Variants in DDX47 observed in about 807,000 individuals in gnomAD.
The protein encoded by DDX47 is DEAD-box helicase 47.
Under a neutral mutation model 58.8 loss-of-function variants are expected in DDX47, and 60 were observed. That is an observed-to-expected ratio of 1.02 (90% CI 0.83 to 1.26). The LOEUF is 1.26. Ranked by LOEUF, DDX47 falls within the 50% of genes most tolerant of loss-of-function variation. The probability of loss-of-function intolerance (pLI) is 0.00; values close to 1 mark genes in which losing one functional copy is unlikely to be tolerated. For missense variants in DDX47, 530 were observed against 573.2 expected, an observed-to-expected ratio of 0.92 and a Z score of 0.77; for synonymous variants, 197 against 204.6, an observed-to-expected ratio of 0.96 and a Z score of 0.32.
At chr12:12,820,907 G>T in intron 2 of DDX47, 2 of 378,922 alleles carry the variant, frequency 5.3e-6, no homozygotes, top group Non-Finnish European at 9.7e-6. Flanking sequence ...ACCTCTGTTA[G>T]CCTTTTCTGA....
chr12:12,826,197 A>G (rs995945686), intron 10 of DDX47, 127 bp downstream of exon 10: 1 of 685,712 alleles, frequency 1.5e-6, no homozygotes, highest in African/African-American at 1.8e-5. Context: ...AGGATGAAGG[A>G]GTTGAAAGAT....
chr12:12,814,198 T>A lies in DDX47; in HGVS notation c.155T>A (p.Ile52Asn). 2 of 1,612,514 alleles carry A rather than the reference T, an allele frequency of 1.2e-6. No individual in the cohort carries two copies. Among genetic ancestry groups the A allele is most frequent in the East Asian group, 2.2e-5 (1 of 44,860 alleles). ...TGGACAAAACCCACCAAGATCCAGATTGAAGCTATTCCTTTGGCCTTACAA... is the reference window on the plus strand; with the variant it reads ...TGGACAAAACCCACCAAGATCCAGAATGAAGCTATTCCTTTGGCCTTACAA... ...LGWTKPTKIQ[I>N]EAIPLALQGR... The change falls in exon 2 of 12, where the codon ATT (isoleucine) becomes AAT (asparagine). Residue 52 changes from isoleucine to asparagine, a missense_variant. Physicochemically the swap from Ile to Asn is moderately radical, Grantham distance 149. Transcript: ENST00000358007.
chr12:12,815,443 A>G (rs1024681945), intron 2 of DDX47, among the ~76,000 whole-genome samples: 3 of 152,204 alleles, frequency 2.0e-5, no homozygotes, highest in African/African-American at 7.2e-5. Flanking sequence ...TAAAGAGATA[A>G]TTATAAATTT....
intron 2 of DDX47, among the ~76,000 whole-genome samples, chr12:12,819,048 A>G (rs1862935138): frequency 6.6e-6 from 1 of 152,174 alleles, no homozygotes; most frequent in African/African-American, 2.4e-5. Flanking sequence ...TAACTGATTA[A>G]TGTTTAAGAG....
At chr12:12,816,115 G>A (rs1862890189) in intron 2 of DDX47, among the ~76,000 whole-genome samples, 1 of 152,034 alleles carries the variant, frequency 6.6e-6, no homozygotes, top group Non-Finnish European at 1.5e-5. Flanking sequence ...GTGTACCACT[G>A]ATACAAAAAA....
Position 12,826,103 on chromosome 12 carries a change from A to G in DDX47, c.1106+33A>G, listed in dbSNP as rs12303062. 23,979 of 1,585,098 alleles carry G rather than the reference A, an allele frequency of 0.015. 2,883 individuals are homozygous for G. In the African/African-American group the frequency reaches 0.27, roughly 18 times the overall value. On this transcript the variant is annotated intron_variant, in intron 10 of 11. Transcript: ENST00000358007. ...AATCAGCTTTAGGGCCGAGCAATGTAGAGAAAAGAGCAGAACTTTCAAGCC... is the reference window on the plus strand; with the variant it reads ...AATCAGCTTTAGGGCCGAGCAATGTGGAGAAAAGAGCAGAACTTTCAAGCC...
intron 2 of DDX47, chr12:12,820,659 G>C (rs1295081464): frequency 6.4e-6 from 1 of 155,578 alleles, no homozygotes; most frequent in East Asian, 1.9e-4. Flanking sequence ...GCACCACCAT[G>C]CCCGCCTAAT....
chr12:12,827,206 G>A (rs778079752), intron 10 of DDX47, 40 bp from the exon 11 acceptor site: 16 of 1,602,228 alleles, frequency 1.0e-5, no homozygotes, highest in Admixed American at 3.5e-5. Context: ...AGGCATTTGC[G>A]TTACCAGGCA....
At chr12:12,826,618 A>G (rs1863056242) in intron 10 of DDX47, among the ~76,000 whole-genome samples, 1 of 151,890 alleles carries the variant, frequency 6.6e-6, no homozygotes, top group Non-Finnish European at 1.5e-5. Context: ...TGGCTTTTTA[A>G]AAAATATTTT....
intron 11 of DDX47, among the ~76,000 whole-genome samples, chr12:12,828,817 T>C (rs1297871818): frequency 1.3e-5 from 2 of 152,260 alleles, no homozygotes; most frequent in Non-Finnish European, 2.9e-5. Context: ...TTAGACTTTA[T>C]CTAATTATAT....
At chr12:12,820,402 A>G (rs1862951651) in intron 2 of DDX47, 1 of 152,256 alleles carries the variant, frequency 6.6e-6, no homozygotes, top group African/African-American at 2.4e-5. Context: ...CTTATAGGAA[A>G]ACATCAAAAC....
chr12:12,824,324 C>T, intron 8 of DDX47: 1 of 569,392 alleles, frequency 1.8e-6, no homozygotes, highest in Non-Finnish European at 3.0e-6. Context: ...AGTTACCTTT[C>T]TATCGTGTCA....
At chr12:12,822,903 C>T (rs1467662287) in intron 6 of DDX47, among the ~76,000 whole-genome samples, 171 bp downstream of exon 6, 1 of 152,154 alleles carries the variant, frequency 6.6e-6, no homozygotes, top group Admixed American at 6.5e-5. Context: ...CTCACAGTTC[C>T]ACATGGCTGG....
At position 12,824,666 on chromosome 12, in the gene DDX47, A is replaced by G. The variant is rs1055846882; in HGVS notation, c.1024A>G (p.Thr342Ala). The G allele has an allele frequency of 1.9e-6, 3 of 1,613,954 alleles. No homozygotes were observed. Among genetic ancestry groups the G allele is most frequent in the Non-Finnish European group, 2.5e-6 (3 of 1,179,984 alleles). The change falls in exon 9 of 12, where the codon ACC (threonine) becomes GCC (alanine). Residue 342 changes from threonine (T) to alanine (A), a missense_variant. Physicochemically the swap from Thr to Ala is moderately conservative, Grantham distance 58 (BLOSUM62 0). Coordinates refer to ENST00000358007, the MANE Select transcript of DDX47 (RefSeq NM_016355.4). ...VDVVVNFDIPTHSKDYIHRVG... is the reference protein window; with the variant it reads ...VDVVVNFDIPAHSKDYIHRVG... Reference sequence around the variant, plus strand: ...TGTGGTTGTCAACTTTGACATTCCTACCCATTCCAAGGTGAGTCCTATTGC... The same window carrying G: ...TGTGGTTGTCAACTTTGACATTCCTGCCCATTCCAAGGTGAGTCCTATTGC...
chr12:12,824,576 A>G lies in DDX47; in HGVS notation c.934A>G (p.Lys312Glu). The G allele has an allele frequency of 6.2e-7, 1 of 1,614,052 alleles. No homozygotes were observed. The highest frequency in any genetic ancestry group is 8.5e-7 in the Non-Finnish European group (1 of 1,179,968). Residue 312 changes from lysine (K) to glutamate (E), a missense_variant, in exon 9 of 12, where the codon AAG becomes GAG. Lys to Glu is a moderately conservative substitution (Grantham distance 56, BLOSUM62 1). Coordinates refer to ENST00000358007, the MANE Select transcript of DDX47 (RefSeq NM_016355.4). ...AGGATCCCTTAATAAGTTTAAGGCCAAGGCCCGTTCCATTCTTCTAGCAAC... is the reference window on the plus strand; with the variant it reads ...AGGATCCCTTAATAAGTTTAAGGCCGAGGCCCGTTCCATTCTTCTAGCAAC... Reference protein sequence around the residue: ...RLGSLNKFKAKARSILLATDV... With the variant: ...RLGSLNKFKAEARSILLATDV...
intron 5 of DDX47, 80 bp downstream of exon 5, chr12:12,822,163 C>T (rs961491822): frequency 2.4e-6 from 2 of 834,466 alleles, no homozygotes; most frequent in African/African-American, 3.4e-5. Context: ...CCACTTGTTT[C>T]ATGTAGAACA....
chr12:12,814,470 AGTATATTAACGACAATCTTG>A (rs1271673577), intron 2 of DDX47: 1 of 417,216 alleles, frequency 2.4e-6, no homozygotes, highest in Non-Finnish European at 4.4e-6. Context: ...TTAAAGTTAA[AGTATATTAACGACAATCTTG>A]GTAGACTTTA....
rs117454099 is a variant in DDX47, at chr12:12,827,551, A to G, written c.1236+176A>G. 3.7e-3 allele frequency among the ~76,000 whole-genome samples: 558 copies of G among 152,330 alleles called. 3 individuals carry two copies. Among genetic ancestry groups the G allele is most frequent in the South Asian group, 6.4e-3 (31 of 4,820 alleles). Reference sequence around the variant, plus strand: ...TAATTTGCATTAGACCATACAACCAAATGGTTGAATCAAGGTTTGGCCTCA... The same window carrying G: ...TAATTTGCATTAGACCATACAACCAGATGGTTGAATCAAGGTTTGGCCTCA... On this transcript the variant is annotated intron_variant, in intron 11 of 11. Coordinates refer to ENST00000358007, the MANE Select transcript of DDX47 (RefSeq NM_016355.4).
intron 4 of DDX47, 45 bp downstream of exon 4, chr12:12,821,771 G>T: frequency 6.8e-7 from 1 of 1,467,456 alleles, no homozygotes; most frequent in South Asian, 1.1e-5. Context: ...TGATGAATTG[G>T]AGAAAATCTA....
Sources: allele counts gnomAD v4.1 joint callset (sites outside exome capture counted in the v4.1 genomes callset), GRCh38; gene constraint gnomAD v4.1.1; transcripts MANE v1.5; gene names NCBI Gene and HGNC (gene_info 2026-07-23, HGNC 2026-07-21).